DZIP1L: variants seen among roughly 807,000 people sequenced by gnomAD.
DZIP1L encodes the protein cilium assembly protein DZIP1L.
In DZIP1L, 90 loss-of-function variants were observed where a neutral mutation model predicts 88.7. The observed-to-expected ratio is 1.02, with a 90% CI of 0.86 to 1.21. The LOEUF (loss-of-function observed/expected upper bound fraction) is 1.21, where lower values mean the gene tolerates loss of function less well. DZIP1L is among the 50% of genes most tolerant of loss of function. DZIP1L has a pLI of 0.00. For synonymous variants in DZIP1L, 363 were observed against 372.1 expected, an observed-to-expected ratio of 0.98 and a Z score of 0.28; for missense variants, 932 against 955.8, an observed-to-expected ratio of 0.98 and a Z score of 0.33.
chr3:138,089,037 A>G, intron 5 of DZIP1L: 2 of 985,492 alleles, frequency 2.0e-6, no homozygotes, highest in Non-Finnish European at 2.4e-6. Flanking sequence ...AAATTGGATC[A>G]AAGAGAGGAT....
chr3:138,089,862 A>C (rs1228560766), intron 5 of DZIP1L, among the ~76,000 whole-genome samples: 1 of 152,136 alleles, frequency 6.6e-6, no homozygotes, highest in Non-Finnish European at 1.5e-5. Flanking sequence ...AAAAAGAGTA[A>C]GATGGGCCAA....
Position 138,094,846 on chromosome 3 carries a change from T to G in DZIP1L, c.708+16A>C. 6.2e-7 allele frequency: 1 copy of G among 1,614,090 alleles called. No individual in the cohort carries two copies. Among genetic ancestry groups the G allele is most frequent in the Non-Finnish European group, 8.5e-7 (1 of 1,179,954 alleles). On this transcript the variant is annotated intron_variant, in intron 4 of 15. Coordinates refer to ENST00000327532, the MANE Select transcript of DZIP1L (RefSeq NM_173543.3). ...CCATGACCCAAGTCTCCCTGATGTT[T>G]TCTCTCCCTGCCCACCTGGAGCTGC...
At chr3:138,097,993 G>A in intron 2 of DZIP1L, 146 bp from the exon 3 acceptor site, 1 of 668,522 alleles carries the variant, frequency 1.5e-6, no homozygotes, top group Non-Finnish European at 2.6e-6. Context: ...AGGCAATGAT[G>A]TCAGCCCATG....
chr3:138,108,298 AAG>A, intron 1 of DZIP1L: 1 of 903,418 alleles, frequency 1.1e-6, no homozygotes, highest in Non-Finnish European at 1.3e-6. Flanking sequence ...TGCTGTGGGC[AAG>A]GGTAATAAGA....
rs767768205 is a variant in DZIP1L at position 138,067,596 on chromosome 3, T to A, written c.1937A>T (p.Asp646Val). 1 of 1,612,368 alleles carries A rather than the reference T, an allele frequency of 6.2e-7. No homozygotes were observed. The highest frequency in any genetic ancestry group is 1.7e-5 in the Admixed American group (1 of 59,810). ...VPSRMVPRPK[D>V]DWDWSDTETS... ...CTCTGTGTCAGACCAGTCCCAGTCA[T>A]CCTTGGGCCGGGGCACCATCCTGGA... The change falls in exon 14 of 16, where the codon GAT becomes GTT. Residue 646 changes from aspartate (D) to valine (V), a missense_variant. Transcript: ENST00000327532.
At chr3:138,102,865 T>C in intron 2 of DZIP1L, 1 of 675,232 alleles carries the variant, frequency 1.5e-6, no homozygotes, top group East Asian at 2.7e-5. Context: ...GCTGAAGACC[T>C]GGGGGCCAGA....
intron 1 of DZIP1L, among the ~76,000 whole-genome samples, chr3:138,111,457 T>C (rs1016887098): frequency 5.9e-5 from 9 of 152,298 alleles, no homozygotes; most frequent in Admixed American, 5.2e-4. Context: ...GAAGTCGCAG[T>C]GCCCACGCTG....
chr3:138,062,225 T>A lies in DZIP1L; in HGVS notation c.*591A>T, dbSNP rs1356008001. On this transcript the variant is annotated 3_prime_UTR_variant, in exon 16 of 16. Transcript: ENST00000327532. ...CTCTCCAGGATCACCCAGGCTGGGA[T>A]AGATGGCCTCTCATATGCTCCCCAT... The A allele has an allele frequency of 6.6e-6, 1 of 152,398 alleles. No individual in the cohort carries two copies. Among genetic ancestry groups the A allele is most frequent in the Non-Finnish European group, 1.5e-5 (1 of 68,132 alleles). The allele number at this position is 152,398 out of a possible 1,614,324, so 9.4% of individuals were successfully genotyped here.
Position 138,062,728 on chromosome 3 carries a change from C to A in DZIP1L, c.*88G>T, listed in dbSNP as rs1942749904. 1 of 1,440,358 alleles carries A rather than the reference C, an allele frequency of 6.9e-7. No homozygotes were observed. Among genetic ancestry groups the A allele is most frequent in the Non-Finnish European group, 9.6e-7 (1 of 1,039,086 alleles). 89.2% of individuals were successfully genotyped at this position (1,440,358 alleles called of 1,614,324 possible). A position where few individuals can be genotyped will look rare whatever the true frequency, so the allele number is the denominator to read the frequency against. The stretch of plus-strand genomic sequence containing the variant: ...ATGATCTCTTGGTTGTTTGTGAAGA[C>A]AAGAGGCCCAGCAGCCTCTTCTGTT... On this transcript the variant is annotated 3_prime_UTR_variant, in exon 16 of 16. Coordinates refer to ENST00000327532, the MANE Select transcript of DZIP1L (RefSeq NM_173543.3).
intron 10 of DZIP1L, among the ~76,000 whole-genome samples, chr3:138,077,998 T>G (rs778640431): frequency 1.3e-5 from 2 of 152,152 alleles, no homozygotes; most frequent in Admixed American, 1.3e-4. Context: ...TATATCAGAA[T>G]CACCTGGGCA....
rs147343775 is a variant in DZIP1L at position 138,088,453 on chromosome 3, G to A, written c.925C>T (p.Arg309Ter). 5.0e-5 allele frequency: 80 copies of A among 1,613,920 alleles called. No homozygotes were observed. The highest frequency in any genetic ancestry group is 3.3e-4 in the African/African-American group (25 of 75,002). Residue 309 changes from arginine to a stop codon, truncating the protein, a stop_gained, in exon 6 of 16, where the codon CGA (arginine) becomes TGA (stop). Coordinates refer to ENST00000327532, the MANE Select transcript of DZIP1L (RefSeq NM_173543.3). LOFTEE classifies it high-confidence loss of function. ...SVMESKLGSL[R>*]DEESEEWLRQ... Reference sequence around the variant, plus strand: ...AGCCACTCCTCTGACTCCTCATCTCGCAGTGATCCCAGCTTGGACTCCATC... The same window carrying A: ...AGCCACTCCTCTGACTCCTCATCTCACAGTGATCCCAGCTTGGACTCCATC...
intron 8 of DZIP1L, among the ~76,000 whole-genome samples, chr3:138,083,785 G>C (rs971822842): frequency 6.6e-6 from 1 of 152,202 alleles, no homozygotes; most frequent in African/African-American, 2.4e-5. Flanking sequence ...ATGGGGAGAA[G>C]GGGGATGCCT....
Position 138,067,627 on chromosome 3 carries a change from C to A in DZIP1L, c.1906G>T (p.Val636Phe), listed in dbSNP as rs1204203694. ...VQRVSLQPPK[V>F]PSRMVPRPKD... Reference sequence around the variant, plus strand: ...GGCCGGGGCACCATCCTGGAAGGAACTTTTGGGGGCTGTAGAGACACACGC... The same window carrying A: ...GGCCGGGGCACCATCCTGGAAGGAAATTTTGGGGGCTGTAGAGACACACGC... Residue 636 changes from valine to phenylalanine, a missense_variant, in exon 14 of 16, where the codon GTT becomes TTT. Transcript: ENST00000327532. 1.2e-6 allele frequency: 2 copies of A among 1,611,548 alleles called. No individual in the cohort carries two copies. The highest frequency in any genetic ancestry group is 3.4e-5 in the Admixed American group (2 of 59,698).
chr3:138,073,712 C>A (rs891932043), intron 11 of DZIP1L, among the ~76,000 whole-genome samples: 9 of 151,968 alleles, frequency 5.9e-5, no homozygotes, highest in African/African-American at 2.2e-4. Flanking sequence ...CAAACCAAGA[C>A]GAATCTCTGA....
In DZIP1L at chr3:138,062,809, G is replaced by A; in HGVS notation, c.*7C>T. ...TAACCCTCTAGCCAGCTAGCTTCTG[G>A]GGTGAATCACCAGGCAGGGACCCTG... is the stretch of plus-strand genomic sequence containing the variant. On this transcript the variant is annotated 3_prime_UTR_variant, in exon 16 of 16. Transcript: ENST00000327532. 6.2e-7 allele frequency: 1 copy of A among 1,613,684 alleles called. No individual in the cohort carries two copies. The highest frequency in any genetic ancestry group is 8.5e-7 in the Non-Finnish European group (1 of 1,180,022).
intron 8 of DZIP1L, among the ~76,000 whole-genome samples, chr3:138,083,900 A>G (rs1209862287): frequency 2.6e-5 from 4 of 152,224 alleles, no homozygotes; most frequent in Non-Finnish European, 5.9e-5. Context: ...CCCATCTGCC[A>G]GCAGCCCCTA....
At position 138,107,248 on chromosome 3, in the gene DZIP1L, G is replaced by A. The variant is rs548020427; in HGVS notation, c.-81-3196C>T. 4.6e-4 allele frequency among the ~76,000 whole-genome samples: 70 copies of A among 152,278 alleles called. No individual in the cohort carries two copies. In the South Asian group the frequency reaches 0.011, roughly 23 times the overall value. ...GACATTTAAGAGGTGATTAAGTCAC[G>A]AAGACTCTGCCCTCATGAATGGATG... On this transcript the variant is annotated intron_variant, in intron 1 of 15. Coordinates refer to ENST00000327532, the MANE Select transcript of DZIP1L (RefSeq NM_173543.3).
intron 2 of DZIP1L, chr3:138,103,035 T>C: frequency 2.3e-6 from 1 of 436,408 alleles, no homozygotes; most frequent in Non-Finnish European, 4.2e-6. Context: ...TGCTCCAGAG[T>C]TGTATCCTTT....
intron 11 of DZIP1L, 118 bp downstream of exon 11, chr3:138,077,380 GC>G: frequency 6.7e-7 from 1 of 1,481,668 alleles, no homozygotes; most frequent in East Asian, 2.3e-5. Context: ...AGCCCGGGCT[GC>G]CACAAGTGAG....
Sources: allele counts gnomAD v4.1 joint callset (sites outside exome capture counted in the v4.1 genomes callset), GRCh38; gene constraint gnomAD v4.1.1; transcripts MANE v1.5; gene names NCBI Gene and HGNC (gene_info 2026-07-23, HGNC 2026-07-21).